Variants in OR4B1 observed in about 807,000 individuals in gnomAD.
OR4B1 encodes olfactory receptor family 4 subfamily B member 1, also known as olfactory receptor 4B1.
For synonymous variants in OR4B1, 196 were observed against 141.2 expected (o/e 1.39, Z -2.75); for missense variants, 520 against 370.7 (o/e 1.40, Z -3.31).
At position 48,217,629 on chromosome 11, in the gene OR4B1, A is replaced by G; in HGVS notation, c.820A>G (p.Thr274Ala). ...AGATAAACTTGTGGCTGTATTCTAC[A>G]CGGTCATCACCCCCATGCTGAACCC... Reference protein sequence around the residue: ...TEDKLVAVFYTVITPMLNPII... With the variant: ...TEDKLVAVFYAVITPMLNPII... The change falls in exon 1 of 1, where the codon ACG becomes GCG. Residue 274 changes from threonine to alanine, a missense_variant. Transcript: ENST00000309562. 2 of 1,612,492 alleles carry G rather than the reference A, an allele frequency of 1.2e-6. No individual in the cohort carries two copies. The highest frequency in any genetic ancestry group is 1.1e-5 in the South Asian group (1 of 91,062).
Position 48,216,851 on chromosome 11 carries a change from C to G in OR4B1, c.42C>G (p.Gly14=). ...TSNVTELIFT[G]LFQDPAVQSV... ...ATGTGACTGAGTTGATTTTCACTGG[C>G]CTTTTCCAGGATCCAGCTGTGCAGA... The change falls in exon 1 of 1, where the codon GGC becomes GGG. Residue 14 remains glycine (G), a synonymous_variant. Coordinates refer to ENST00000309562, the MANE Select transcript of OR4B1 (RefSeq NM_001005470.1). The G allele has an allele frequency of 6.2e-7, 1 of 1,614,032 alleles. No homozygotes were observed.
chr11:48,217,184 C>T lies in OR4B1; in HGVS notation c.375C>T (p.Cys125=). The T allele has an allele frequency of 6.2e-7, 1 of 1,614,138 alleles. No homozygotes were observed. The highest frequency in any genetic ancestry group is 1.1e-5 in the South Asian group (1 of 91,072). ...CCTATGATTGCTACGTGGCCATTTGCAAGCCTCTTCATTATATGAACATTA... is the reference window on the plus strand; with the variant it reads ...CCTATGATTGCTACGTGGCCATTTGTAAGCCTCTTCATTATATGAACATTA... ...VMAYDCYVAI[C]KPLHYMNIIS... The change falls in exon 1 of 1, where the codon TGC becomes TGT. Residue 125 remains cysteine, a synonymous_variant. Transcript: ENST00000309562.
At position 48,216,985 on chromosome 11, in the gene OR4B1, T is replaced by C; in HGVS notation, c.176T>C (p.Phe59Ser). Residue 59 changes from phenylalanine (F) to serine (S), a missense_variant, in exon 1 of 1, where the codon TTC becomes TCC. By Grantham distance (155) the Phe-to-Ser change is radical. Transcript: ENST00000309562. ...ISKSLDSPMY[F>S]FLSCLSLVEI... Reference sequence around the variant, plus strand: ...AAGAGTCTGGATTCTCCCATGTACTTCTTCCTTAGCTGCCTGTCCTTGGTG... The same window carrying C: ...AAGAGTCTGGATTCTCCCATGTACTCCTTCCTTAGCTGCCTGTCCTTGGTG... 1 of 1,614,158 alleles carries C rather than the reference T, an allele frequency of 6.2e-7. No individual in the cohort carries two copies. The highest frequency in any genetic ancestry group is 8.5e-7 in the Non-Finnish European group (1 of 1,179,994).
chr11:48,217,645 T>G lies in OR4B1; in HGVS notation c.836T>G (p.Met279Arg). Residue 279 changes from methionine (M) to arginine (R), a missense_variant, in exon 1 of 1, where the codon ATG becomes AGG. By Grantham distance (91) the Met-to-Arg change is moderately conservative. Transcript: ENST00000309562. The part of the protein sequence containing the change: ...VAVFYTVITP[M>R]LNPIIYTLRN... ...GTATTCTACACGGTCATCACCCCCA[T>G]GCTGAACCCCATCATTTACACACTC... The G allele has an allele frequency of 6.2e-7, 1 of 1,610,366 alleles. No homozygotes were observed. The highest frequency in any genetic ancestry group is 8.5e-7 in the Non-Finnish European group (1 of 1,179,992).
In OR4B1 at chr11:48,217,663, A is replaced by G. The variant is rs61731410; in HGVS notation, c.854A>G (p.Tyr285Cys). The change falls in exon 1 of 1, where the codon TAC (tyrosine) becomes TGC (cysteine). Residue 285 changes from tyrosine (Y) to cysteine (C), a missense_variant. Transcript: ENST00000309562. ...ACCCCCATGCTGAACCCCATCATTTACACACTCAGGAATGCAGAGGTGAAA... is the reference window on the plus strand; with the variant it reads ...ACCCCCATGCTGAACCCCATCATTTGCACACTCAGGAATGCAGAGGTGAAA... ...VITPMLNPIIYTLRNAEVKIA... is the reference protein window; with the variant it reads ...VITPMLNPIICTLRNAEVKIA... The G allele has an allele frequency of 3.2e-5, 51 of 1,607,942 alleles. No homozygotes were observed. The African/African-American group carries it at 6.4e-4, about 20-fold the overall frequency.
Position 48,217,625 on chromosome 11 carries a change from C to T in OR4B1, c.816C>T (p.Phe272=), listed in dbSNP as rs1359916216. The T allele has an allele frequency of 6.2e-7, 1 of 1,612,722 alleles. No individual in the cohort carries two copies. The highest frequency in any genetic ancestry group is 1.7e-5 in the Admixed American group (1 of 59,990). ...CTGAAGATAAACTTGTGGCTGTATT[C>T]TACACGGTCATCACCCCCATGCTGA... The part of the protein sequence containing the change: ...TFTEDKLVAV[F]YTVITPMLNP... The change falls in exon 1 of 1, where the codon TTC becomes TTT. Residue 272 remains phenylalanine, a synonymous_variant. Transcript: ENST00000309562.
rs1475221127 is a variant in OR4B1, at chr11:48,217,090, G to T, written c.281G>T (p.Gly94Val). 1 of 1,614,058 alleles carries T rather than the reference G, an allele frequency of 6.2e-7. No individual in the cohort carries two copies. The highest frequency in any genetic ancestry group is 8.5e-7 in the Non-Finnish European group (1 of 1,179,976). ...AAGATTAAAACCATCTCTCTGGAAG[G>T]CTGTCTGACTCAGATATTCTTCTTC... ...LAKIKTISLEGCLTQIFFFHF... is the reference protein window; with the variant it reads ...LAKIKTISLEVCLTQIFFFHF... The change falls in exon 1 of 1, where the codon GGC becomes GTC. Residue 94 changes from glycine to valine, a missense_variant. Transcript: ENST00000309562.
chr11:48,217,606 A>G lies in OR4B1; in HGVS notation c.797A>G (p.Asp266Gly). Residue 266 changes from aspartate (D) to glycine (G), a missense_variant, in exon 1 of 1, where the codon GAT becomes GGT. Asp to Gly is a moderately conservative substitution (Grantham distance 94, BLOSUM62 -1). Coordinates refer to ENST00000309562, the MANE Select transcript of OR4B1 (RefSeq NM_001005470.1). ...CGACCTTCTTCCACTTTCACTGAAG[A>G]TAAACTTGTGGCTGTATTCTACACG... The part of the protein sequence containing the change: ...YMRPSSTFTE[D>G]KLVAVFYTVI... The G allele has an allele frequency of 1.2e-6, 2 of 1,613,808 alleles. No individual in the cohort carries two copies. The highest frequency in any genetic ancestry group is 1.7e-6 in the Non-Finnish European group (2 of 1,180,034).
chr11:48,217,224 T>C lies in OR4B1; in HGVS notation c.415T>C (p.Cys139Arg). Residue 139 changes from cysteine to arginine, a missense_variant, in exon 1 of 1, where the codon TGT (cysteine) becomes CGT (arginine). Cys to Arg is a radical substitution (Grantham distance 180). Coordinates refer to ENST00000309562, the MANE Select transcript of OR4B1 (RefSeq NM_001005470.1). ...TATGAACATTATCAGTCGTCAACTGTGTCACCTTCTGGTGGCTGGTTCCTG... is the reference window on the plus strand; with the variant it reads ...TATGAACATTATCAGTCGTCAACTGCGTCACCTTCTGGTGGCTGGTTCCTG... Reference protein sequence around the residue: ...HYMNIISRQLCHLLVAGSWLG... With the variant: ...HYMNIISRQLRHLLVAGSWLG... The C allele has an allele frequency of 6.2e-7, 1 of 1,614,182 alleles. No individual in the cohort carries two copies. The highest frequency in any genetic ancestry group is 8.5e-7 in the Non-Finnish European group (1 of 1,180,026).
chr11:48,216,968 G>T lies in OR4B1; in HGVS notation c.159G>T (p.Leu53=), dbSNP rs771713218. The change falls in exon 1 of 1, where the codon CTG becomes CTT. Residue 53 remains leucine (L), a synonymous_variant. Coordinates refer to ENST00000309562, the MANE Select transcript of OR4B1 (RefSeq NM_001005470.1). ...IVLTVSISKS[L]DSPMYFFLSC... ...TGACGGTCAGTATCAGCAAGAGTCT[G>T]GATTCTCCCATGTACTTCTTCCTTA... is the stretch of plus-strand genomic sequence containing the variant. The T allele has an allele frequency of 1.2e-6, 2 of 1,614,094 alleles. No homozygotes were observed. Among genetic ancestry groups the T allele is most frequent in the Non-Finnish European group, 1.7e-6 (2 of 1,179,992 alleles).
Position 48,217,726 on chromosome 11 carries a change from C to T in OR4B1, c.917C>T (p.Pro306Leu). The change falls in exon 1 of 1, where the codon CCA becomes CTA. Residue 306 changes from proline to leucine, a missense_variant. Pro to Leu is a moderately conservative substitution (Grantham distance 98). Coordinates refer to ENST00000309562, the MANE Select transcript of OR4B1 (RefSeq NM_001005470.1). ...IRRLWSKKENPGRE is the reference protein window; with the variant it reads ...IRRLWSKKENLGRE ...AGATTGTGGAGCAAAAAGGAGAATC[C>T]AGGGAGGGAGTGAAAAAAGAGCTTA... 2 of 1,591,374 alleles carry T rather than the reference C, an allele frequency of 1.3e-6. No homozygotes were observed. Among genetic ancestry groups the T allele is most frequent in the Non-Finnish European group, 1.7e-6 (2 of 1,174,000 alleles).
chr11:48,217,481 G>A lies in OR4B1; in HGVS notation c.672G>A (p.Arg224=), dbSNP rs1172420476. 2 of 1,613,958 alleles carry A rather than the reference G, an allele frequency of 1.2e-6. No homozygotes were observed. The highest frequency in any genetic ancestry group is 2.7e-5 in the African/African-American group (2 of 74,902). The change falls in exon 1 of 1, where the codon AGG becomes AGA. Residue 224 remains arginine, a synonymous_variant. Transcript: ENST00000309562. ...ATATTGTCATTCTGGTCAACTTGAG[G>A]AACCATTCTGCAGAGGGGAGGCACA... ...SSYIVILVNL[R]NHSAEGRHKA... is the part of the protein sequence containing the mutation.
chr11:48,217,533 A>T lies in OR4B1; in HGVS notation c.724A>T (p.Ile242Phe). 1 of 1,614,156 alleles carries T rather than the reference A, an allele frequency of 6.2e-7. No individual in the cohort carries two copies. Among genetic ancestry groups the T allele is most frequent in the African/African-American group, 1.3e-5 (1 of 75,056 alleles). The change falls in exon 1 of 1, where the codon ATC (isoleucine) becomes TTC (phenylalanine). Residue 242 changes from isoleucine (I) to phenylalanine (F), a missense_variant. By Grantham distance (21) the Ile-to-Phe change is conservative (BLOSUM62 0). Transcript: ENST00000309562. ...HKALSTCASH[I>F]TVVILFFGPA... ...AGCCCTCTCCACCTGTGCTTCTCAC[A>T]TCACAGTGGTCATCTTGTTTTTTGG...
chr11:48,216,959 C>T lies in OR4B1; in HGVS notation c.150C>T (p.Ser50=). Residue 50 remains serine (S), a synonymous_variant, in exon 1 of 1, where the codon AGC becomes AGT. Coordinates refer to ENST00000309562, the MANE Select transcript of OR4B1 (RefSeq NM_001005470.1). ...NGLIVLTVSI[S]KSLDSPMYFF... is the part of the protein sequence containing the mutation. Reference sequence around the variant, plus strand: ...TCATCGTTCTGACGGTCAGTATCAGCAAGAGTCTGGATTCTCCCATGTACT... The same window carrying T: ...TCATCGTTCTGACGGTCAGTATCAGTAAGAGTCTGGATTCTCCCATGTACT... 1.2e-6 allele frequency: 2 copies of T among 1,614,128 alleles called. No homozygotes were observed. Among genetic ancestry groups the T allele is most frequent in the Non-Finnish European group, 1.7e-6 (2 of 1,180,006 alleles).
Position 48,217,408 on chromosome 11 carries a change from A to T in OR4B1, c.599A>T (p.Asn200Ile). 1 of 1,614,144 alleles carries T rather than the reference A, an allele frequency of 6.2e-7. No individual in the cohort carries two copies. Among genetic ancestry groups the T allele is most frequent in the Non-Finnish European group, 8.5e-7 (1 of 1,180,016 alleles). The change falls in exon 1 of 1, where the codon AAC becomes ATC. Residue 200 changes from asparagine (N) to isoleucine (I), a missense_variant. By Grantham distance (149) the Asn-to-Ile change is moderately radical. Transcript: ENST00000309562. ...ATGGAGGGGGTTATTGTGTTGGCCA[A>T]CAGTGGATTATTCTCTGTCTTCTCC... ...TFMEGVIVLA[N>I]SGLFSVFSFL...
In OR4B1 at chr11:48,217,220, A is replaced by T. The variant is rs371074823; in HGVS notation, c.411A>T (p.Gln137His). ...PLHYMNIISR[Q>H]LCHLLVAGSW... ...ATTATATGAACATTATCAGTCGTCA[A>T]CTGTGTCACCTTCTGGTGGCTGGTT... Residue 137 changes from glutamine (Q) to histidine (H), a missense_variant, in exon 1 of 1, where the codon CAA becomes CAT. By Grantham distance (24) the Gln-to-His change is conservative. Transcript: ENST00000309562. 1.2e-5 allele frequency: 19 copies of T among 1,614,062 alleles called. No homozygotes were observed. The highest frequency in any genetic ancestry group is 1.6e-5 in the Non-Finnish European group (19 of 1,180,044).
In OR4B1 at chr11:48,217,178, C is replaced by A. The variant is rs201143988; in HGVS notation, c.369C>A (p.Ala123=). 1.2e-6 allele frequency: 2 copies of A among 1,614,084 alleles called. No homozygotes were observed. The highest frequency in any genetic ancestry group is 1.7e-5 in the Admixed American group (1 of 59,986). ...IVVMAYDCYV[A]ICKPLHYMNI... ...TGATGGCCTATGATTGCTACGTGGC[C>A]ATTTGCAAGCCTCTTCATTATATGA... is the stretch of plus-strand genomic sequence containing the variant. The change falls in exon 1 of 1, where the codon GCC becomes GCA. Residue 123 remains alanine (A), a synonymous_variant. Coordinates refer to ENST00000309562, the MANE Select transcript of OR4B1 (RefSeq NM_001005470.1).
chr11:48,217,679 A>T lies in OR4B1; in HGVS notation c.870A>T (p.Ala290=). 1 of 1,605,442 alleles carries T rather than the reference A, an allele frequency of 6.2e-7. No individual in the cohort carries two copies. Among genetic ancestry groups the T allele is most frequent in the Non-Finnish European group, 8.5e-7 (1 of 1,179,882 alleles). ...LNPIIYTLRN[A]EVKIAIRRLW... ...CCATCATTTACACACTCAGGAATGC[A>T]GAGGTGAAAATCGCCATAAGAAGAT... The change falls in exon 1 of 1, where the codon GCA becomes GCT. Residue 290 remains alanine, a synonymous_variant. Transcript: ENST00000309562.
rs531475732 is a variant in OR4B1, at chr11:48,217,162, A to G, written c.353A>G (p.Tyr118Cys). 363 of 1,614,060 alleles carry G rather than the reference A, an allele frequency of 2.2e-4. 4 individuals carry two copies. In the South Asian group the frequency reaches 3.3e-3, roughly 15 times the overall value. ...ATCCTTTTGATTGTGGTGATGGCCTATGATTGCTACGTGGCCATTTGCAAG... is the reference window on the plus strand; with the variant it reads ...ATCCTTTTGATTGTGGTGATGGCCTGTGATTGCTACGTGGCCATTTGCAAG... ...AEILLIVVMAYDCYVAICKPL... is the reference protein window; with the variant it reads ...AEILLIVVMACDCYVAICKPL... The change falls in exon 1 of 1, where the codon TAT becomes TGT. Residue 118 changes from tyrosine (Y) to cysteine (C), a missense_variant. By Grantham distance (194) the Tyr-to-Cys change is radical. Coordinates refer to ENST00000309562, the MANE Select transcript of OR4B1 (RefSeq NM_001005470.1).
Sources: gnomAD v4.1 joint callset for allele counts on GRCh38, gnomAD v4.1.1 for gene constraint, MANE v1.5 for transcripts, NCBI Gene and HGNC (gene_info 2026-07-23, HGNC 2026-07-21) for gene names.